SYN3: variants seen among roughly 807,000 people sequenced by gnomAD.
The protein encoded by SYN3 is synapsin III.
A neutral mutation model predicts 65.8 loss-of-function variants in SYN3; 35 were observed. The observed-to-expected ratio is 0.53, with a 90% CI of 0.41 to 0.70. The LOEUF is 0.70. Ranked by LOEUF, SYN3 falls within the 30% of genes least tolerant of loss-of-function variation. The pLI is 0.00. For synonymous variants in SYN3, 270 were observed against 292.9 expected (o/e 0.92, Z 0.80); for missense variants, 680 against 749.0 (o/e 0.91, Z 1.08).
chr22:32,560,810 G>GAA (rs2058576177), intron 7 of SYN3, among the ~76,000 whole-genome samples: 1 of 152,214 alleles, frequency 6.6e-6, no homozygotes, highest in Non-Finnish European at 1.5e-5. Flanking sequence ...AGCAAGGACT[G>GAA]AAAAGCAAGG....
chr22:32,715,038 G>A lies in SYN3; in HGVS notation c.712-118302C>T, dbSNP rs1450034162. ...AAGATGCTTCCCACAAGATAATAAA[G>A]GAATTTTATGATGAAATACATTAGG... On this transcript the variant is annotated intron_variant, in intron 6 of 13. Transcript: ENST00000358763. Among the ~76,000 whole-genome samples the A allele has an allele frequency of 2.0e-5, 3 of 152,124 alleles. 1 individual carries two copies. The highest frequency in any genetic ancestry group is 2.0e-4 in the Admixed American group (3 of 15,268).
rs1181613029 is a variant in SYN3 at position 32,533,853 on chromosome 22, G to A, written c.1035C>T (p.Gly345=). ...WVDSCSEMFG[G]LDICAVKAVH... ...CAGCCTTGACGGCACAGATGTCCAGGCCGCCAAACATTTCCGAGCAGCTGT... is the reference window on the plus strand; with the variant it reads ...CAGCCTTGACGGCACAGATGTCCAGACCGCCAAACATTTCCGAGCAGCTGT... The change falls in exon 10 of 14, where the codon GGC becomes GGT. Residue 345 remains glycine, a synonymous_variant. Transcript: ENST00000358763. The A allele has an allele frequency of 5.6e-6, 9 of 1,614,006 alleles. No individual in the cohort carries two copies. The highest frequency in any genetic ancestry group is 6.8e-6 in the Non-Finnish European group (8 of 1,179,918).
At chr22:33,013,555 T>C (rs954059546) in intron 1 of SYN3, among the ~76,000 whole-genome samples, 1 of 152,140 alleles carries the variant, frequency 6.6e-6, no homozygotes, top group Admixed American at 6.6e-5. Flanking sequence ...TCATTTTCTG[T>C]GGAAAAAAAA....
chr22:32,799,587 T>C (rs1235108618), intron 6 of SYN3, among the ~76,000 whole-genome samples: 1 of 152,206 alleles, frequency 6.6e-6, no homozygotes, highest in Non-Finnish European at 1.5e-5. Context: ...GCCTCTATCA[T>C]GTAAGATGCT....
At chr22:32,848,607 T>C (rs558349493) in intron 6 of SYN3, among the ~76,000 whole-genome samples, 1 of 152,352 alleles carries the variant, frequency 6.6e-6, no homozygotes, top group South Asian at 2.1e-4. Context: ...ATGATGATGA[T>C]ATTAATAATA....
Position 32,538,043 on chromosome 22 carries a change from T to C in SYN3, c.985A>G (p.Thr329Ala), listed in dbSNP as rs754238372. ...ACCTCCTTTGTCTCTTACCTCTCTG[T>C]CATGGCCACCTGCTCCAGCATGGCA... ...GSAMLEQVAMTERYRLWVDSC... is the reference protein window; with the variant it reads ...GSAMLEQVAMAERYRLWVDSC... Residue 329 changes from threonine to alanine, a missense_variant, in exon 9 of 14, where the codon ACA (threonine) becomes GCA (alanine). By Grantham distance (58) the Thr-to-Ala change is moderately conservative. Coordinates refer to ENST00000358763, the MANE Select transcript of SYN3 (RefSeq NM_003490.4). The C allele has an allele frequency of 1.2e-6, 2 of 1,614,128 alleles. No individual in the cohort carries two copies. The highest frequency in any genetic ancestry group is 1.7e-6 in the Non-Finnish European group (2 of 1,180,002).
chr22:32,518,266 G>C lies in SYN3; in HGVS notation c.1387C>G (p.Pro463Ala). The change falls in exon 13 of 14, where the codon CCA becomes GCA. Residue 463 changes from proline to alanine, a missense_variant. By Grantham distance (27) the Pro-to-Ala change is conservative. Coordinates refer to ENST00000358763, the MANE Select transcript of SYN3 (RefSeq NM_003490.4). The stretch of plus-strand genomic sequence containing the variant: ...GGGCTCAGGGGCTGCTGGCCTTGTG[G>C]GGAGAGCCTCTGTTGGGAGGGGCTT... ...SGSPSQQRLS[P>A]QGQQPLSPQS... 1 of 1,612,884 alleles carries C rather than the reference G, an allele frequency of 6.2e-7. No individual in the cohort carries two copies. The highest frequency in any genetic ancestry group is 8.5e-7 in the Non-Finnish European group (1 of 1,179,296).
intron 3 of SYN3, among the ~76,000 whole-genome samples, chr22:32,960,633 T>C (rs1417251608): frequency 6.6e-6 from 1 of 152,138 alleles, no homozygotes; most frequent in Non-Finnish European, 1.5e-5. Flanking sequence ...CTGGTTATGT[T>C]TAAGACAACA....
intron 2 of SYN3, among the ~76,000 whole-genome samples, chr22:33,003,654 C>A (rs527608560): frequency 1.3e-5 from 2 of 152,154 alleles, no homozygotes; most frequent in East Asian, 3.9e-4. Context: ...GGAAGCAGAG[C>A]ATAAAAGTTT....
In SYN3 at chr22:32,801,964, G is replaced by A. The variant is rs1452667091; in HGVS notation, c.711+62951C>T. Reference sequence around the variant, plus strand: ...GCGGCGCGCACGGCAACTTTGGAGAGGCGAGCAGCAGCCCCGGCAGCGGCG... The same window carrying A: ...GCGGCGCGCACGGCAACTTTGGAGAAGCGAGCAGCAGCCCCGGCAGCGGCG... On this transcript the variant is annotated intron_variant, in intron 6 of 13. Transcript: ENST00000358763. This position sits in a 1 kb window ranked among gnomAD's most constrained non-coding sequence, Gnocchi z 4.7. 6.4e-7 allele frequency: 1 copy of A among 1,574,378 alleles called. No homozygotes were observed. Among genetic ancestry groups the A allele is most frequent in the Admixed American group, 1.8e-5 (1 of 56,582 alleles).
intron 4 of SYN3, among the ~76,000 whole-genome samples, chr22:32,894,347 A>T (rs550604397): frequency 6.6e-6 from 1 of 152,290 alleles, no homozygotes; most frequent in East Asian, 1.9e-4. Flanking sequence ...TGCTCTGATA[A>T]ATGCTGTGGG....
intron 6 of SYN3, among the ~76,000 whole-genome samples, chr22:32,794,398 A>G (rs1487008708): frequency 2.6e-5 from 4 of 152,168 alleles, no homozygotes; most frequent in Admixed American, 2.6e-4. Context: ...CTGAGCTCTT[A>G]GGATCAGTCC....
chr22:32,757,736 G>A (rs2045339511), intron 6 of SYN3, among the ~76,000 whole-genome samples: 1 of 152,192 alleles, frequency 6.6e-6, no homozygotes, highest in South Asian at 2.1e-4. Flanking sequence ...GAATACAGGA[G>A]ATCCATTAGG....
At chr22:32,659,174 C>T (rs2060182834) in intron 6 of SYN3, among the ~76,000 whole-genome samples, 2 of 152,088 alleles carry the variant, frequency 1.3e-5, no homozygotes, top group African/African-American at 4.8e-5. Flanking sequence ...AAGTATGTAG[C>T]TAAAGAGTTG....
chr22:32,956,107 C>T (rs974110721), intron 3 of SYN3, among the ~76,000 whole-genome samples: 1 of 141,306 alleles, frequency 7.1e-6, no homozygotes, highest in Non-Finnish European at 1.5e-5. Context: ...CTAATACCGC[C>T]CCCCCCAAAA....
intron 6 of SYN3, among the ~76,000 whole-genome samples, chr22:32,776,781 C>T (rs556109771): frequency 6.6e-5 from 10 of 152,246 alleles, no homozygotes; most frequent in Admixed American, 3.9e-4. Context: ...GTGCAGTGCA[C>T]GGAGAAGGCA....
At chr22:33,012,397 C>T (rs1460633266) in intron 1 of SYN3, among the ~76,000 whole-genome samples, 1 of 152,140 alleles carries the variant, frequency 6.6e-6, no homozygotes, top group Non-Finnish European at 1.5e-5. Context: ...CTTTGCCGTT[C>T]ATTAAGATTA....
intron 1 of SYN3, among the ~76,000 whole-genome samples, chr22:33,054,574 C>G (rs924732093): frequency 2.6e-5 from 4 of 152,178 alleles, no homozygotes; most frequent in East Asian, 1.9e-4. Flanking sequence ...AGTCCCACTT[C>G]CCCCTCAGAT....
At chr22:32,560,781 C>T (rs1387192279) in intron 7 of SYN3, among the ~76,000 whole-genome samples, 1 of 152,060 alleles carries the variant, frequency 6.6e-6, no homozygotes, top group Non-Finnish European at 1.5e-5. Flanking sequence ...TTGAAAGGTT[C>T]GCTTTGTTGT....
Sources: allele counts gnomAD v4.1 joint callset (sites outside exome capture counted in the v4.1 genomes callset), GRCh38; gene constraint gnomAD v4.1.1; non-coding constraint Gnocchi (gnomAD v3.1); transcripts MANE v1.5; gene names NCBI Gene and HGNC (gene_info 2026-07-23, HGNC 2026-07-21).